Variants in GALNT13 observed in about 807,000 individuals in gnomAD.
GALNT13 encodes polypeptide N-acetylgalactosaminyltransferase 13.
Under a neutral mutation model 64.2 loss-of-function variants are expected in GALNT13, and 28 were observed. The observed-to-expected ratio is 0.44, with a 90% CI of 0.32 to 0.60. The LOEUF is 0.60. Ranked by LOEUF, GALNT13 falls within the 20% of genes least tolerant of loss-of-function variation. The pLI is 0.05. For missense variants in GALNT13, 577 were observed against 669.8 expected, an observed-to-expected ratio of 0.86 and a Z score of 1.53; for synonymous variants, 214 against 224.6, an observed-to-expected ratio of 0.95 and a Z score of 0.42.
chr2:154,280,181 TA>T (rs1691886101), intron 8 of GALNT13, among the ~76,000 whole-genome samples: 1 of 152,210 alleles, frequency 6.6e-6, no homozygotes, highest in South Asian at 2.1e-4. Context: ...CCCCTTCTTG[TA>T]AGCATGAGAG....
the GALNT13 span, among the ~76,000 whole-genome samples, chr2:153,649,106 G>A: frequency 6.6e-6 from 1 of 152,034 alleles, no homozygotes; most frequent in African/African-American, 2.4e-5. Context: ...GGACTTTTTT[G>A]GTTGGTAAGC....
the GALNT13 span, among the ~76,000 whole-genome samples, chr2:153,435,482 G>A: frequency 6.6e-6 from 1 of 151,908 alleles, no homozygotes; most frequent in Non-Finnish European, 1.5e-5. Context: ...TCTTCCATTT[G>A]TTTGTATCCT....
the GALNT13 span, among the ~76,000 whole-genome samples, chr2:153,404,410 T>C: frequency 6.6e-6 from 1 of 152,206 alleles, no homozygotes; most frequent in Non-Finnish European, 1.5e-5. Flanking sequence ...CCTGGACTTT[T>C]ATTATGTGAC....
intron 3 of GALNT13, among the ~76,000 whole-genome samples, chr2:153,963,817 T>G (rs953722255): frequency 4.0e-5 from 6 of 151,796 alleles, no homozygotes; most frequent in Middle Eastern, 3.4e-3. Context: ...ATCTGTTCAA[T>G]CTTTTGTTCA....
intron 11 of GALNT13, among the ~76,000 whole-genome samples, chr2:154,412,797 C>T (rs976878641): frequency 2.0e-5 from 3 of 151,714 alleles, no homozygotes; most frequent in Non-Finnish European, 4.4e-5. Context: ...TCAACATGAC[C>T]ATTTTGAAGT....
chr2:153,142,748 T>C, the GALNT13 span, among the ~76,000 whole-genome samples: 1 of 151,920 alleles, frequency 6.6e-6, no homozygotes, highest in Non-Finnish European at 1.5e-5. Context: ...TATGAAAAAT[T>C]AGTGAAGTTA....
intron 4 of GALNT13, among the ~76,000 whole-genome samples, chr2:154,156,114 G>T (rs1254165271): frequency 2.0e-5 from 3 of 151,744 alleles, no homozygotes; most frequent in African/African-American, 7.2e-5. Flanking sequence ...TCACTAAAAT[G>T]TCATAGGAGA....
At chr2:153,783,960 T>C in the GALNT13 span, among the ~76,000 whole-genome samples, 1 of 152,170 alleles carries the variant, frequency 6.6e-6, no homozygotes, top group Non-Finnish European at 1.5e-5. Flanking sequence ...ACTCATACAG[T>C]AAACTGGTAC....
chr2:153,780,534 T>G, the GALNT13 span, among the ~76,000 whole-genome samples: 5 of 152,034 alleles, frequency 3.3e-5, no homozygotes, highest in Admixed American at 2.6e-4. Context: ...AAATCTTTGC[T>G]TTTACCAGCA....
rs113744491 is a variant in GALNT13, at chr2:154,039,963, T to C, written c.142+95324T>C. ...ATTCAGGTATAATTTTACACTGTTATCTGTAGCTTACTCTGGCCTCTTATG... is the reference window on the plus strand; with the variant it reads ...ATTCAGGTATAATTTTACACTGTTACCTGTAGCTTACTCTGGCCTCTTATG... On this transcript the variant is annotated intron_variant, in intron 3 of 12. Coordinates refer to ENST00000392825, the MANE Select transcript of GALNT13 (RefSeq NM_052917.4). Among the ~76,000 whole-genome samples, 7 of 141,020 alleles carry C rather than the reference T, an allele frequency of 5.0e-5. 1 individual carries two copies. The highest frequency in any genetic ancestry group is 1.7e-4 in the African/African-American group (7 of 41,056). The allele number at this position is 141,020 out of a possible 152,430, so 92.5% of individuals were successfully genotyped here. A position where few individuals can be genotyped will look rare whatever the true frequency, so the allele number is the denominator to read the frequency against.
At chr2:153,232,575 C>T in the GALNT13 span, among the ~76,000 whole-genome samples, 1 of 152,182 alleles carries the variant, frequency 6.6e-6, no homozygotes, top group Non-Finnish European at 1.5e-5. Context: ...TTGATCTCTG[C>T]AGTGAGTTGT....
At chr2:153,174,004 G>A in the GALNT13 span, among the ~76,000 whole-genome samples, 1 of 152,132 alleles carries the variant, frequency 6.6e-6, no homozygotes, top group Admixed American at 6.5e-5. Context: ...TTAAAACTTA[G>A]CAGGGCAAAT....
chr2:153,163,398 T>G, the GALNT13 span, among the ~76,000 whole-genome samples: 23 of 152,252 alleles, frequency 1.5e-4, no homozygotes, highest in South Asian at 4.1e-4. Context: ...CAGGACTGCG[T>G]TATACTTTGG....
chr2:154,256,845 C>T lies in GALNT13; in HGVS notation c.858-2176C>T, dbSNP rs143433823. 2.4e-3 allele frequency among the ~76,000 whole-genome samples: 362 copies of T among 152,232 alleles called. 2 individuals carry two copies. Among genetic ancestry groups the T allele is most frequent in the African/African-American group, 8.2e-3 (342 of 41,550 alleles). On this transcript the variant is annotated intron_variant, in intron 7 of 12. Coordinates refer to ENST00000392825, the MANE Select transcript of GALNT13 (RefSeq NM_052917.4). The stretch of plus-strand genomic sequence containing the variant: ...TTGGTTTGACATTGTTTAGACACAA[C>T]CTTGAAAAGCAAATAATTTCAGTTA...
At chr2:154,432,670 T>C (rs886337675) in intron 11 of GALNT13, among the ~76,000 whole-genome samples, 1 of 152,178 alleles carries the variant, frequency 6.6e-6, no homozygotes, top group Non-Finnish European at 1.5e-5. Flanking sequence ...TGGTGTCCCA[T>C]GGCTTGTAGA....
chr2:154,025,679 CTTTA>C (rs1469076883), intron 3 of GALNT13, among the ~76,000 whole-genome samples: 1 of 152,090 alleles, frequency 6.6e-6, no homozygotes, highest in Admixed American at 6.6e-5. Context: ...GTCAACAAAT[CTTTA>C]TTAATTACTC....
chr2:154,406,144 T>A (rs953011043), intron 10 of GALNT13, among the ~76,000 whole-genome samples: 1 of 152,166 alleles, frequency 6.6e-6, no homozygotes, highest in African/African-American at 2.4e-5. Flanking sequence ...GGCCCAAAGC[T>A]TGGCATGTTT....
intron 2 of GALNT13, among the ~76,000 whole-genome samples, chr2:153,916,625 T>A (rs546305176): frequency 6.6e-6 from 1 of 152,312 alleles, no homozygotes; most frequent in South Asian, 2.1e-4. Flanking sequence ...TATAACTGTG[T>A]TTAAATGTTT....
intron 12 of GALNT13, among the ~76,000 whole-genome samples, chr2:154,446,261 G>T (rs1188316500): frequency 1.3e-5 from 2 of 152,022 alleles, no homozygotes; most frequent in African/African-American, 2.4e-5. Flanking sequence ...AAAAAGCATT[G>T]TATTACTAGG....
Sources: gnomAD v4.1 joint callset for allele counts (sites outside exome capture counted in the v4.1 genomes callset) on GRCh38, gnomAD v4.1.1 for gene constraint, MANE v1.5 for transcripts, NCBI Gene and HGNC (gene_info 2026-07-23, HGNC 2026-07-21) for gene names.